ANKDD1A: variants seen among roughly 807,000 people sequenced by gnomAD.
ANKDD1A encodes the protein ankyrin repeat and death domain-containing protein 1A.
In ANKDD1A, 59 loss-of-function variants were observed where a neutral mutation model predicts 63.5. The ratio of observed to expected loss-of-function variants is 0.93; its 90% CI spans 0.75 to 1.15. ANKDD1A has a LOEUF of 1.15. ANKDD1A is among the 50% of genes most tolerant of loss of function. ANKDD1A has a pLI of 0.00. For missense variants in ANKDD1A, 632 were observed against 656.4 expected, an observed-to-expected ratio of 0.96 and a Z score of 0.41; for synonymous variants, 266 against 263.9, an observed-to-expected ratio of 1.01 and a Z score of -0.08.
chr15:64,943,507 G>A lies in ANKDD1A; in HGVS notation c.990G>A (p.Leu330=). 2.5e-6 allele frequency: 4 copies of A among 1,614,156 alleles called. No homozygotes were observed. Among genetic ancestry groups the A allele is most frequent in the Non-Finnish European group, 3.4e-6 (4 of 1,180,022 alleles). The change falls in exon 11 of 15, where the codon CTG becomes CTA. Residue 330 remains leucine, a synonymous_variant. Transcript: ENST00000319580. ...VDNRQQTPLH[L]AAEHAWQDIA... ...AGAGGCAGCAGACGCCCCTTCACCT[G>A]GCTGCAGAGCACGCCTGGCAGGACA...
intron 9 of ANKDD1A, among the ~76,000 whole-genome samples, chr15:64,938,280 C>T (rs1388249574): frequency 3.9e-5 from 6 of 152,072 alleles, no homozygotes; most frequent in East Asian, 1.9e-4. Flanking sequence ...AAGTGCAGTA[C>T]GGGAAGAGGA....
intron 1 of ANKDD1A, among the ~76,000 whole-genome samples, chr15:64,912,363 G>C (rs1421381778): frequency 6.6e-6 from 1 of 152,242 alleles, no homozygotes; most frequent in East Asian, 1.9e-4. Flanking sequence ...TGAGGCACAG[G>C]GTGTTCAAAT....
intron 9 of ANKDD1A, among the ~76,000 whole-genome samples, chr15:64,940,367 C>T (rs1356594347): frequency 2.0e-5 from 3 of 151,790 alleles, no homozygotes; most frequent in African/African-American, 4.8e-5. Context: ...GGATCCTCTC[C>T]ACCATCCATG....
At position 64,943,532 on chromosome 15, in the gene ANKDD1A, A is replaced by G. The variant is rs1392869689; in HGVS notation, c.1015A>G (p.Ile339Val). ...HLAAEHAWQD[I>V]ADMLLIAGVD... ...GGCTGCAGAGCACGCCTGGCAGGACATAGCAGATATGCTCCTCATTGCTGG... is the reference window on the plus strand; with the variant it reads ...GGCTGCAGAGCACGCCTGGCAGGACGTAGCAGATATGCTCCTCATTGCTGG... Residue 339 changes from isoleucine (I) to valine (V), a missense_variant, in exon 11 of 15, where the codon ATA becomes GTA. By Grantham distance (29) the Ile-to-Val change is conservative. Transcript: ENST00000319580. 1 of 1,614,196 alleles carries G rather than the reference A, an allele frequency of 6.2e-7. No homozygotes were observed. Among genetic ancestry groups the G allele is most frequent in the Non-Finnish European group, 8.5e-7 (1 of 1,180,046 alleles).
At position 64,911,935 on chromosome 15, in the gene ANKDD1A, A is replaced by C; in HGVS notation, c.5A>C (p.Gln2Pro). Residue 2 changes from glutamine (Q) to proline (P), a missense_variant, in exon 1 of 15, where the codon CAG (glutamine) becomes CCG (proline). Coordinates refer to ENST00000319580, the MANE Select transcript of ANKDD1A (RefSeq NM_182703.6). The part of the protein sequence containing the change: M[Q>P]EELAWETDGL... Reference sequence around the variant, plus strand: ...CAGGGGCTGCGGAGCGGCAGGATGCAGGAGGAGCTGGCGTGGGAGACCGAC... The same window carrying C: ...CAGGGGCTGCGGAGCGGCAGGATGCCGGAGGAGCTGGCGTGGGAGACCGAC... The C allele has an allele frequency of 8.5e-7, 1 of 1,180,688 alleles. No homozygotes were observed. The highest frequency in any genetic ancestry group is 1.1e-6 in the Non-Finnish European group (1 of 950,516). 73.1% of individuals were successfully genotyped at this position (1,180,688 alleles called of 1,614,324 possible). A position where few individuals can be genotyped will look rare whatever the true frequency, so the allele number is the denominator to read the frequency against.
chr15:64,942,429 A>G (rs1157389297), intron 9 of ANKDD1A, 38 bp from the exon 10 acceptor site: 1 of 1,510,216 alleles, frequency 6.6e-7, no homozygotes, highest in Non-Finnish European at 9.1e-7. Flanking sequence ...CAGTCCTGGG[A>G]GGGACTGGTC....
intron 14 of ANKDD1A, among the ~76,000 whole-genome samples, chr15:64,952,112 CTTCT>C (rs1248596278): frequency 4.6e-5 from 1 of 21,866 alleles, no homozygotes; most frequent in African/African-American, 7.5e-5. Flanking sequence ...TTCTTTTCTT[CTTCT>C]TTCTTCTCTT....
chr15:64,956,231 CCTTTTTTTTTT>C (rs1305398682), intron 14 of ANKDD1A, among the ~76,000 whole-genome samples: 3 of 120,844 alleles, frequency 2.5e-5, no homozygotes, highest in South Asian at 2.6e-4. Context: ...TCTTTGGATT[CCTTTTTTTTTT>C]CTTTTTTTTT....
intron 9 of ANKDD1A, among the ~76,000 whole-genome samples, chr15:64,942,247 T>TGG (rs949414952): frequency 6.6e-6 from 1 of 152,166 alleles, no homozygotes; most frequent in Non-Finnish European, 1.5e-5. Context: ...GTCTCACCCT[T>TGG]GGGTCTTCAG....
At chr15:64,934,671 T>C (rs1447067804) in intron 9 of ANKDD1A, among the ~76,000 whole-genome samples, 1 of 149,040 alleles carries the variant, frequency 6.7e-6, no homozygotes, top group Non-Finnish European at 1.5e-5. Context: ...AGCTAATTTT[T>C]TTTTTTTTTT....
At chr15:64,936,554 C>T (rs964411435) in intron 9 of ANKDD1A, among the ~76,000 whole-genome samples, 5 of 152,104 alleles carry the variant, frequency 3.3e-5, no homozygotes, top group Admixed American at 1.3e-4. Context: ...AAAGTGAAGG[C>T]GTTGCCAGGT....
chr15:64,917,424 G>C lies in ANKDD1A; in HGVS notation c.177G>C (p.Gly59=). The C allele has an allele frequency of 1.2e-6, 2 of 1,610,972 alleles. No individual in the cohort carries two copies. The highest frequency in any genetic ancestry group is 2.2e-5 in the South Asian group (2 of 90,506). ...CCCTGCACTGGGCTGCAGGTGCAGG[G>C]CACGAGCAGGCTGTGCGTCTGCTTC... ...RVALHWAAGA[G]HEQAVRLLLE... Residue 59 remains glycine, a synonymous_variant, in exon 3 of 15, where the codon GGG becomes GGC. Coordinates refer to ENST00000319580, the MANE Select transcript of ANKDD1A (RefSeq NM_182703.6).
chr15:64,957,047 T>C (rs189564465), intron 14 of ANKDD1A, 56 bp from the exon 15 acceptor site: 49 of 449,348 alleles, frequency 1.1e-4, no homozygotes, highest in Admixed American at 2.4e-4. Flanking sequence ...AGCTACACTT[T>C]AAGGGTGATA....
In ANKDD1A at chr15:64,947,591, C is replaced by A. The variant is rs753189189; in HGVS notation, c.1349C>A (p.Thr450Lys). Residue 450 changes from threonine to lysine, a missense_variant and splice_region_variant, in exon 13 of 15, where the codon ACA becomes AAA. Transcript: ENST00000319580. ...AHVDAIEQQWTGTRSYQEHGH... is the reference protein window; with the variant it reads ...AHVDAIEQQWKGTRSYQEHGH... ...GTCGACGCCATCGAGCAACAGTGGACAGGTACCACCTTGCCTCTCCTCGCC... is the reference window on the plus strand; with the variant it reads ...GTCGACGCCATCGAGCAACAGTGGAAAGGTACCACCTTGCCTCTCCTCGCC... 2 of 1,613,534 alleles carry A rather than the reference C, an allele frequency of 1.2e-6. No individual in the cohort carries two copies. Among genetic ancestry groups the A allele is most frequent in the Non-Finnish European group, 1.7e-6 (2 of 1,179,846 alleles).
At chr15:64,952,403 C>G (rs1445219759) in intron 14 of ANKDD1A, among the ~76,000 whole-genome samples, 128 of 9,276 alleles carry the variant, frequency 0.014, no homozygotes, top group African/African-American at 0.024. Flanking sequence ...CTTCCTCCTT[C>G]TTCTTCTTCT....
At chr15:64,916,584 C>T (rs952377088) in intron 2 of ANKDD1A, among the ~76,000 whole-genome samples, 12 of 152,308 alleles carry the variant, frequency 7.9e-5, no homozygotes, top group African/African-American at 2.9e-4. Context: ...ACCTCAGCCT[C>T]CCGAAGTGCT....
rs2085198739 is a variant in ANKDD1A, at chr15:64,943,305, T to C, written c.967-179T>C. ...AAGTGTCATGTTGGGGTAAAAAAAT[T>C]AAGATGTAAAATGTACATATAAGAT... On this transcript the variant is annotated intron_variant, in intron 10 of 14. Coordinates refer to ENST00000319580, the MANE Select transcript of ANKDD1A (RefSeq NM_182703.6). 3.3e-6 allele frequency: 2 copies of C among 606,582 alleles called. 1 individual carries two copies. Among genetic ancestry groups the C allele is most frequent in the Non-Finnish European group, 5.8e-6 (2 of 343,864 alleles). The allele number at this position is 606,582 out of a possible 1,614,324, so 37.6% of individuals were successfully genotyped here. A position where few individuals can be genotyped will look rare whatever the true frequency, so the allele number is the denominator to read the frequency against.
chr15:64,926,730 G>A (rs2085048188), intron 5 of ANKDD1A, among the ~76,000 whole-genome samples, 171 bp from the exon 6 acceptor site: 1 of 152,156 alleles, frequency 6.6e-6, no homozygotes. Context: ...TGGGAAGTTG[G>A]GTCTGGGCTT....
intron 3 of ANKDD1A, among the ~76,000 whole-genome samples, chr15:64,917,992 T>G (rs1366440217): frequency 6.6e-6 from 1 of 152,230 alleles, no homozygotes; most frequent in Non-Finnish European, 1.5e-5. Context: ...TAAAATTATC[T>G]CTACAGGTTT....
Sources: allele counts gnomAD v4.1 joint callset (sites outside exome capture counted in the v4.1 genomes callset), GRCh38; gene constraint gnomAD v4.1.1; transcripts MANE v1.5; gene names NCBI Gene and HGNC (gene_info 2026-07-23, HGNC 2026-07-21).